Variants in ZNF438 observed in about 807,000 individuals in gnomAD.
ZNF438 encodes the protein zinc finger protein 438.
A neutral mutation model predicts 38.0 loss-of-function variants in ZNF438; 25 were observed. The observed-to-expected ratio is 0.66, with a 90% CI of 0.48 to 0.92. The LOEUF (loss-of-function observed/expected upper bound fraction) is 0.92, where lower values mean the gene tolerates loss of function less well. Ranked by LOEUF, ZNF438 falls within the 40% of genes least tolerant of loss-of-function variation. ZNF438 has a pLI of 0.00. For missense variants in ZNF438, 1,007 were observed against 999.6 expected (o/e 1.01, Z -0.10); for synonymous variants, 372 against 364.1 (o/e 1.02, Z -0.25).
chr10:30,980,646 T>G (rs1228072827), intron 1 of ZNF438, among the ~76,000 whole-genome samples: 2 of 152,156 alleles, frequency 1.3e-5, no homozygotes, highest in Non-Finnish European at 2.9e-5. Flanking sequence ...AGTCTAGAAC[T>G]CATGGGAGAG....
At chr10:30,892,482 T>C (rs1043585980) in intron 3 of ZNF438, among the ~76,000 whole-genome samples, 3 of 152,152 alleles carry the variant, frequency 2.0e-5, no homozygotes, top group Admixed American at 1.3e-4. Flanking sequence ...GGGAAGACCA[T>C]TGCATTTATA....
chr10:30,861,143 T>C (rs1564510269), intron 4 of ZNF438, among the ~76,000 whole-genome samples: 1 of 152,098 alleles, frequency 6.6e-6, no homozygotes, highest in Non-Finnish European at 1.5e-5. Flanking sequence ...GACACGCAAA[T>C]CCATAGATGC....
In ZNF438 at chr10:30,997,139, T is replaced by C. The variant is rs745435438; in HGVS notation, c.-192+34694A>G. Among the ~76,000 whole-genome samples the C allele has an allele frequency of 1.3e-3, 194 of 151,886 alleles. 2 individuals are homozygous for C. The highest frequency in any genetic ancestry group is 1.8e-3 in the Non-Finnish European group (119 of 67,968). On this transcript the variant is annotated intron_variant, in intron 1 of 5. Transcript: ENST00000413025. ...TAATCTTCCACCTTAAGACAGAACC[T>C]ACAAAAAGAAAAGCAAACTAAACCT...
intron 1 of ZNF438, among the ~76,000 whole-genome samples, chr10:30,998,540 C>CAAAAAAAAAAAAAAAAA (rs55838240): frequency 3.0e-5 from 1 of 33,878 alleles, no homozygotes. Context: ...GAGACTGTCT[C>CAAAAAAAAAAAAAAAAA]AAAAAAAAAA....
chr10:30,982,940 G>C (rs1265477843), intron 1 of ZNF438, among the ~76,000 whole-genome samples: 1 of 152,168 alleles, frequency 6.6e-6, no homozygotes, highest in African/African-American at 2.4e-5. Context: ...ATTCGTACTT[G>C]TTAACAATAC....
At chr10:30,853,804 C>G (rs1224150924) in intron 4 of ZNF438, among the ~76,000 whole-genome samples, 1 of 151,278 alleles carries the variant, frequency 6.6e-6, no homozygotes, top group Non-Finnish European at 1.5e-5. Context: ...TGAGACCAGC[C>G]TGGTCAACAT....
At chr10:30,989,463 A>G (rs926753585) in intron 1 of ZNF438, among the ~76,000 whole-genome samples, 14 of 152,150 alleles carry the variant, frequency 9.2e-5, no homozygotes, top group African/African-American at 2.9e-4. Context: ...CTATACCAGA[A>G]TGATACATAA....
chr10:30,965,847 C>A (rs925385096), intron 1 of ZNF438, among the ~76,000 whole-genome samples: 4 of 152,108 alleles, frequency 2.6e-5, no homozygotes, highest in African/African-American at 9.7e-5. Context: ...TCATCCATAA[C>A]CCAAACCTTA....
At chr10:30,869,613 T>G (rs1037479394) in intron 4 of ZNF438, among the ~76,000 whole-genome samples, 4 of 152,226 alleles carry the variant, frequency 2.6e-5, no homozygotes, top group African/African-American at 9.7e-5. Flanking sequence ...CTGTCAACAG[T>G]ATAACATACT....
intron 2 of ZNF438, among the ~76,000 whole-genome samples, chr10:30,924,004 G>A (rs1426400235): frequency 3.3e-5 from 5 of 152,078 alleles, no homozygotes; most frequent in Admixed American, 6.6e-5. Flanking sequence ...CTCAATAAAG[G>A]ACTTAGACAT....
intron 4 of ZNF438, among the ~76,000 whole-genome samples, chr10:30,871,940 T>C (rs1588910878): frequency 3.3e-5 from 5 of 152,248 alleles, no homozygotes; most frequent in East Asian, 1.9e-4. Context: ...TTTTATGAAA[T>C]AGAAATAACA....
intron 2 of ZNF438, among the ~76,000 whole-genome samples, chr10:30,917,210 G>C (rs2043743879): frequency 1.3e-5 from 2 of 151,992 alleles, no homozygotes; most frequent in Non-Finnish European, 2.9e-5. Flanking sequence ...TTCATTTTAT[G>C]AATAACCACA....
exon 5 of ZNF438, chr10:30,849,433 G>A (rs373144173): frequency 2.3e-5 from 37 of 1,613,964 alleles, no homozygotes; most frequent in East Asian, 4.5e-5. Context: ...TATCACAGTC[G>A]GCCTTAGGTC....
At chr10:31,020,675 TA>T (rs1266221405) in intron 1 of ZNF438, among the ~76,000 whole-genome samples, 7 of 151,138 alleles carry the variant, frequency 4.6e-5, no homozygotes, top group Non-Finnish European at 1.0e-4. Flanking sequence ...TATAAATTTA[TA>T]AAGTTTAACT....
intron 1 of ZNF438, among the ~76,000 whole-genome samples, chr10:31,017,639 G>A (rs921519050): frequency 7.2e-5 from 11 of 152,204 alleles, no homozygotes; most frequent in Admixed American, 3.9e-4. Context: ...CGCAGCCATC[G>A]CTCCCTCTCT....
intron 1 of ZNF438, among the ~76,000 whole-genome samples, chr10:31,020,694 A>G (rs1472590699): frequency 2.4e-5 from 3 of 126,064 alleles, no homozygotes; most frequent in Admixed American, 8.2e-5. Context: ...ACTGTTAAAG[A>G]TAACAGTGTT....
intron 2 of ZNF438, among the ~76,000 whole-genome samples, chr10:30,924,257 A>C (rs971298018): frequency 6.6e-6 from 1 of 152,214 alleles, no homozygotes; most frequent in Admixed American, 6.5e-5. Context: ...AATGTTGCCA[A>C]GGAAGAAGGC....
chr10:30,930,294 C>G (rs2045502888), intron 2 of ZNF438, among the ~76,000 whole-genome samples: 1 of 152,134 alleles, frequency 6.6e-6, no homozygotes, highest in African/African-American at 2.4e-5. Context: ...GGACCCGGTG[C>G]ACCCTCCGCA....
rs1450070248 is a variant in ZNF438, at chr10:30,872,356, G to A, written c.37+4642C>T. 3.5e-5 allele frequency among the ~76,000 whole-genome samples: 5 copies of A among 141,500 alleles called. No homozygotes were observed. The East Asian group carries it at 1.0e-3, about 30-fold the overall frequency. The allele number at this position is 141,500 out of a possible 152,430, so 92.8% of individuals were successfully genotyped here. On this transcript the variant is annotated intron_variant, in intron 4 of 5. Coordinates refer to ENST00000413025, the Ensembl canonical transcript of ZNF438. ...CAGAAGAATCACTTGAACCCGGGAG[G>A]TGGAGATTGCAGTGAGCCGAGATTG...
Sources: allele counts gnomAD v4.1 joint callset (sites outside exome capture counted in the v4.1 genomes callset), GRCh38; gene constraint gnomAD v4.1.1; transcripts MANE v1.5; gene names NCBI Gene and HGNC (gene_info 2026-07-23, HGNC 2026-07-21).